The following PAPSS1 variants were observed in gnomAD, a reference collection of about 807,000 sequenced individuals.
PAPSS1 encodes bifunctional 3'-phosphoadenosine 5'-phosphosulfate synthase 1.
A neutral mutation model predicts 72.0 loss-of-function variants in PAPSS1; 50 were observed. That is an observed-to-expected ratio of 0.69 (90% CI 0.55 to 0.88). The LOEUF (loss-of-function observed/expected upper bound fraction) is 0.88, where lower values mean the gene tolerates loss of function less well. Among genes scored for constraint, PAPSS1 ranks in the 40% least tolerant of loss-of-function variants. PAPSS1 has a pLI of 0.00. For missense variants in PAPSS1, 657 were observed against 782.2 expected (o/e 0.84, Z 1.91); for synonymous variants, 261 against 263.6 (o/e 0.99, Z 0.09).
intron 9 of PAPSS1, among the ~76,000 whole-genome samples, chr4:107,652,829 A>C (rs1295321409): frequency 6.6e-6 from 1 of 152,106 alleles, no homozygotes; most frequent in Non-Finnish European, 1.5e-5. Context: ...AGACAGTTTG[A>C]TGAATTGTTT....
chr4:107,669,932 C>A (rs1727425897), intron 5 of PAPSS1, among the ~76,000 whole-genome samples: 1 of 152,188 alleles, frequency 6.6e-6, no homozygotes, highest in South Asian at 2.1e-4. Flanking sequence ...TACTGAAATT[C>A]TAGATGCAGA....
chr4:107,656,850 AT>A (rs1367699163), intron 7 of PAPSS1, 45 bp downstream of exon 7: 1 of 1,291,370 alleles, frequency 7.7e-7, no homozygotes, highest in Non-Finnish European at 1.1e-6. Flanking sequence ...CAACTATGTA[AT>A]TTCTCTTCCA....
intron 7 of PAPSS1, among the ~76,000 whole-genome samples, chr4:107,655,173 G>A (rs1308955987): frequency 1.4e-5 from 2 of 147,870 alleles, no homozygotes; most frequent in African/African-American, 2.5e-5. Context: ...TTTTGGTATA[G>A]AATTACATAA....
intron 6 of PAPSS1, 23 bp downstream of exon 6, chr4:107,659,936 G>A (rs1727127075): frequency 1.5e-6 from 2 of 1,303,904 alleles, no homozygotes; most frequent in South Asian, 1.2e-5. Flanking sequence ...ATCACTTAGT[G>A]TGAAAAGCAA....
intron 10 of PAPSS1, among the ~76,000 whole-genome samples, chr4:107,638,979 C>A (rs1726461166): frequency 6.6e-6 from 1 of 152,106 alleles, no homozygotes; most frequent in African/African-American, 2.4e-5. Flanking sequence ...ACCCCAAAAC[C>A]CACACATTCC....
At position 107,687,108 on chromosome 4, in the gene PAPSS1, G is replaced by A. The variant is rs780787616; in HGVS notation, c.481C>T (p.Pro161Ser). Residue 161 changes from proline to serine, a missense_variant, in exon 4 of 12, where the codon CCT becomes TCT. Pro to Ser is a moderately conservative substitution (Grantham distance 74). This residue lies in a region of PAPSS1 where 119 missense variants were observed against 171.1 expected (regional missense o/e 0.70). Transcript: ENST00000265174. The stretch of plus-strand genomic sequence containing the variant: ...TCCCTCTGTTCACAAACATGCAGAG[G>A]AGCATCAACAAATACTTCAAAAAAC... ...LPFFEVFVDA[P>S]LHVCEQRDVK... 2.5e-6 allele frequency: 4 copies of A among 1,603,450 alleles called. No individual in the cohort carries two copies. The highest frequency in any genetic ancestry group is 3.5e-5 in the Admixed American group (2 of 57,822).
Position 107,715,947 on chromosome 4 carries a change from T to C in PAPSS1, c.60+4173A>G, listed in dbSNP as rs529083132. Among the ~76,000 whole-genome samples the C allele has an allele frequency of 2.6e-5, 4 of 152,364 alleles. No individual in the cohort carries two copies. In the South Asian group the frequency reaches 8.3e-4, roughly 32 times the overall value. ...GATATTGAGAGATGAAGGAGTTAAA[T>C]AATGTTCCCAAGATCACCCAGATGG... is the stretch of plus-strand genomic sequence containing the variant. On this transcript the variant is annotated intron_variant, in intron 1 of 11. Transcript: ENST00000265174.
intron 10 of PAPSS1, among the ~76,000 whole-genome samples, chr4:107,634,569 T>C (rs1726310935): frequency 6.6e-6 from 1 of 152,158 alleles, no homozygotes; most frequent in Admixed American, 6.5e-5. Flanking sequence ...AGATATGTTA[T>C]CTACACATCA....
At chr4:107,647,193 T>A (rs1258710072) in intron 9 of PAPSS1, among the ~76,000 whole-genome samples, 1 of 152,180 alleles carries the variant, frequency 6.6e-6, no homozygotes, top group Non-Finnish European at 1.5e-5. Flanking sequence ...AGAGAATAAA[T>A]ACATGTTAAA....
intron 1 of PAPSS1, among the ~76,000 whole-genome samples, chr4:107,709,612 G>A (rs140459683): frequency 6.6e-6 from 1 of 152,256 alleles, no homozygotes; most frequent in African/African-American, 2.4e-5. Flanking sequence ...CATCGCTATT[G>A]TAGAACCTAA....
intron 10 of PAPSS1, among the ~76,000 whole-genome samples, chr4:107,641,791 C>A (rs1726551543): frequency 6.6e-6 from 1 of 152,146 alleles, no homozygotes. Flanking sequence ...TACCAGGCTC[C>A]CTGCCATAAT....
chr4:107,686,339 T>C (rs1246707471), intron 4 of PAPSS1, among the ~76,000 whole-genome samples: 1 of 152,232 alleles, frequency 6.6e-6, no homozygotes, highest in African/African-American at 2.4e-5. Flanking sequence ...TTTTATATAC[T>C]TTAAATCATC....
Position 107,720,147 on chromosome 4 carries a change from G to C in PAPSS1, c.33C>G (p.Val11=). MEIPGSLCKK[V]KLSNNAQNWG... ...AGTTCTGCGCGTTATTGCTCAGTTT[G>C]ACTTTCTTGCACAGGCTCCCGGGGA... The change falls in exon 1 of 12, where the codon GTC becomes GTG. Residue 11 remains valine, a synonymous_variant. Transcript: ENST00000265174. The C allele has an allele frequency of 6.2e-7, 1 of 1,605,950 alleles. No individual in the cohort carries two copies. Among genetic ancestry groups the C allele is most frequent in the Non-Finnish European group, 8.5e-7 (1 of 1,176,544 alleles).
intron 1 of PAPSS1, among the ~76,000 whole-genome samples, chr4:107,719,177 G>C (rs1015884463): frequency 1.6e-5 from 2 of 128,844 alleles, no homozygotes; most frequent in Non-Finnish European, 3.3e-5. Flanking sequence ...ACATTTGCCT[G>C]AAATTGCTTG....
intron 5 of PAPSS1, among the ~76,000 whole-genome samples, chr4:107,662,421 A>C (rs3792684): frequency 0.18 from 28,148 of 152,176 alleles, 3,043 homozygotes; most frequent in East Asian, 0.37. Flanking sequence ...ATAATGGTGA[A>C]GGAAGAAAGC....
At chr4:107,708,661 GT>G (rs1723406097) in intron 1 of PAPSS1, among the ~76,000 whole-genome samples, 1 of 152,224 alleles carries the variant, frequency 6.6e-6, no homozygotes, top group Non-Finnish European at 1.5e-5. Context: ...GAGACCGTCT[GT>G]TTTAATCTCT....
At chr4:107,672,337 C>T (rs1228975813) in intron 5 of PAPSS1, among the ~76,000 whole-genome samples, 4 of 152,188 alleles carry the variant, frequency 2.6e-5, no homozygotes, top group African/African-American at 7.2e-5. Flanking sequence ...GGGTGACACA[C>T]GGCACCTGGA....
At chr4:107,694,963 T>TATGAAATAAAAAAAAAAC (rs1723030184) in intron 2 of PAPSS1, among the ~76,000 whole-genome samples, 1 of 150,850 alleles carries the variant, frequency 6.6e-6, no homozygotes, top group African/African-American at 2.4e-5. Flanking sequence ...AAAAAAAAAA[T>TATGAAATAAAAAAAAAAC]AGAAGAGAGG....
intron 1 of PAPSS1, among the ~76,000 whole-genome samples, chr4:107,707,505 C>T (rs1215911450): frequency 1.3e-5 from 2 of 152,166 alleles, no homozygotes; most frequent in Admixed American, 6.5e-5. Flanking sequence ...GCTACGGGGG[C>T]CTGCCTTGCA....
Sources: gnomAD v4.1 joint callset for allele counts (sites outside exome capture counted in the v4.1 genomes callset) on GRCh38, gnomAD v4.1.1 for gene constraint, gnomAD v4.1.1 regional missense constraint, MANE v1.5 for transcripts, NCBI Gene and HGNC (gene_info 2026-07-23, HGNC 2026-07-21) for gene names.